GSN: variants seen among roughly 807,000 people sequenced by gnomAD.
GSN encodes the protein actin-depolymerizing factor.
A neutral mutation model predicts 85.7 loss-of-function variants in GSN; 56 were observed. That is an observed-to-expected ratio of 0.65 (90% CI 0.53 to 0.82). The LOEUF is 0.82. GSN is among the 40% of genes least tolerant of loss of function. The pLI is 0.00. For missense variants in GSN, 857 were observed against 979.8 expected (o/e 0.87, Z 1.67); for synonymous variants, 373 against 399.1 (o/e 0.93, Z 0.78).
chr9:121,213,505 T>C (rs1190447202), intron 4 of GSN, among the ~76,000 whole-genome samples: 2 of 152,238 alleles, frequency 1.3e-5, no homozygotes, highest in Admixed American at 1.3e-4. Context: ...CATTGTTTCC[T>C]CAGTCTCTTT....
At chr9:121,328,428 A>T (rs1052088267) in intron 14 of GSN, among the ~76,000 whole-genome samples, 1 of 152,228 alleles carries the variant, frequency 6.6e-6, no homozygotes, top group Non-Finnish European at 1.5e-5. Flanking sequence ...CTGAACTTTT[A>T]GTCGAATTTA....
chr9:121,277,257 T>C (rs531644233), intron 1 of GSN, among the ~76,000 whole-genome samples: 6 of 152,344 alleles, frequency 3.9e-5, no homozygotes, highest in South Asian at 2.1e-4. Context: ...CTTTCTCTCC[T>C]CATTGCTAAC....
chr9:121,268,437 A>C (rs781585626), intron 1 of GSN, among the ~76,000 whole-genome samples: 1 of 152,154 alleles, frequency 6.6e-6, no homozygotes, highest in Non-Finnish European at 1.5e-5. Context: ...ACGCCGGAGC[A>C]GGAGAGGAGA....
At chr9:121,326,885 A>G in intron 13 of GSN, 1 of 737,508 alleles carries the variant, frequency 1.4e-6, no homozygotes, top group South Asian at 1.5e-5. Context: ...TGTCCCTTGC[A>G]CACTTTGCAC....
At position 121,318,961 on chromosome 9, in the gene GSN, GT is replaced by G. The variant is rs2062047857; in HGVS notation, c.1191+84del. 8.6e-7 allele frequency: 1 copy of G among 1,168,828 alleles called. No individual in the cohort carries two copies. The highest frequency in any genetic ancestry group is 1.3e-6 in the Non-Finnish European group (1 of 785,362). 72.4% of individuals were successfully genotyped at this position (1,168,828 alleles called of 1,614,324 possible). A position where few individuals can be genotyped will look rare whatever the true frequency, so the allele number is the denominator to read the frequency against. On this transcript the variant is annotated intron_variant, in intron 10 of 17. Transcript: ENST00000432226. The surrounding 1 kb of genome is among the most constrained non-coding windows in gnomAD (Gnocchi z 4.3). ...CACTGCCTCTTGCTTCCCCAAGGAGGTTTCTCTCTGAGGTTTGCACAACTTT... is the reference window on the plus strand; with the variant it reads ...CACTGCCTCTTGCTTCCCCAAGGAGGTTCTCTCTGAGGTTTGCACAACTTT...
At chr9:121,207,544 T>C (rs1454655448), upstream of GSN, among the ~76,000 whole-genome samples, 1 of 152,228 alleles carries the variant, frequency 6.6e-6, no homozygotes, top group Non-Finnish European at 1.5e-5. Flanking sequence ...CAAAGGGCAG[T>C]CAGTGCCTAT....
At chr9:121,244,936 C>T (rs1028136611) in intron 5 of GSN, among the ~76,000 whole-genome samples, 3 of 151,788 alleles carry the variant, frequency 2.0e-5, no homozygotes, top group Admixed American at 1.3e-4. Context: ...GGAAGCTAGG[C>T]TTCTAAAAAT....
chr9:121,287,058 A>ACTCCAAGTCTTGGAGC (rs2058186363), intron 2 of GSN, among the ~76,000 whole-genome samples: 1 of 151,708 alleles, frequency 6.6e-6, no homozygotes, highest in Admixed American at 6.6e-5. Flanking sequence ...AGTGGCTGAG[A>ACTCCAAGTCTTGGAGC]CTCCAAGTCT....
At chr9:121,257,669 G>C (rs1037993568) in intron 6 of GSN, among the ~76,000 whole-genome samples, 1 of 152,154 alleles carries the variant, frequency 6.6e-6, no homozygotes, top group Non-Finnish European at 1.5e-5. Flanking sequence ...TCAGGAGTTC[G>C]AGACCAGCCT....
At chr9:121,251,886 G>A (rs1442955452) in intron 6 of GSN, among the ~76,000 whole-genome samples, 1 of 152,066 alleles carries the variant, frequency 6.6e-6, no homozygotes, top group African/African-American at 2.4e-5. Flanking sequence ...ACTTGAACCC[G>A]GGAGGCAGAG....
At chr9:121,323,055 G>A (rs145517803) in intron 11 of GSN, among the ~76,000 whole-genome samples, 1,656 of 152,048 alleles carry the variant, frequency 0.011, 14 homozygotes, top group Non-Finnish European at 0.015. Flanking sequence ...GGCTGGTCTC[G>A]AACTCCTCTA....
chr9:121,331,568 G>A (rs1197022885), intron 17 of GSN, 120 bp downstream of exon 17: 8 of 679,102 alleles, frequency 1.2e-5, no homozygotes, highest in Admixed American at 4.7e-5. Context: ...ACAAGATAGG[G>A]TGGGGACTTC....
intron 4 of GSN, among the ~76,000 whole-genome samples, chr9:121,229,032 C>A (rs1436535109): frequency 6.6e-6 from 1 of 152,130 alleles, no homozygotes; most frequent in South Asian, 2.1e-4. Flanking sequence ...ACATAAGACA[C>A]AAAAGTAGTG....
intron 1 of GSN, among the ~76,000 whole-genome samples, chr9:121,273,892 A>AC (rs899177661): frequency 1.2e-4 from 19 of 152,304 alleles, no homozygotes; most frequent in Admixed American, 1.0e-3. Flanking sequence ...GCCCAAGATC[A>AC]CCCCCAAAGA....
At chr9:121,286,649 T>C in intron 2 of GSN, 1 of 1,534,064 alleles carries the variant, frequency 6.5e-7, no homozygotes, top group Non-Finnish European at 8.7e-7. Context: ...TTGTGTGCCC[T>C]CTGGGCCGGG....
intron 11 of GSN, among the ~76,000 whole-genome samples, chr9:121,323,371 G>GTTTGT (rs766970397): frequency 8.5e-6 from 1 of 117,750 alleles, no homozygotes; most frequent in Non-Finnish European, 1.7e-5. Context: ...TCCCATTACC[G>GTTTGT]TTTTTTTTTT....
chr9:121,321,998 C>T (rs1031117743), intron 11 of GSN, among the ~76,000 whole-genome samples: 1 of 152,132 alleles, frequency 6.6e-6, no homozygotes, highest in Non-Finnish European at 1.5e-5. Flanking sequence ...CTGCCTCAGC[C>T]TCCCAAAGTG....
At position 121,329,664 on chromosome 9, in the gene GSN, T is replaced by G. The variant is rs1007641807; in HGVS notation, c.1965+349T>G. 6.6e-6 allele frequency among the ~76,000 whole-genome samples: 1 copy of G among 152,244 alleles called. No homozygotes were observed. Among genetic ancestry groups the G allele is most frequent in the Admixed American group, 6.5e-5 (1 of 15,282 alleles). Reference sequence around the variant, plus strand: ...AAGTTGAACTTAGCAGCATCTTGTTTGCAGGCATAAACTGTCCAGTGTCAC... The same window carrying G: ...AAGTTGAACTTAGCAGCATCTTGTTGGCAGGCATAAACTGTCCAGTGTCAC... On this transcript the variant is annotated intron_variant, in intron 16 of 17. Transcript: ENST00000432226. This position sits in a 1 kb window ranked among gnomAD's most constrained non-coding sequence, Gnocchi z 4.6.
intron 11 of GSN, among the ~76,000 whole-genome samples, chr9:121,322,362 A>G (rs1464943966): frequency 1.3e-5 from 2 of 152,192 alleles, no homozygotes; most frequent in Non-Finnish European, 2.9e-5. Context: ...GTACATAGAG[A>G]CAGAGAGCTT....
Sources: allele counts gnomAD v4.1 joint callset (sites outside exome capture counted in the v4.1 genomes callset), GRCh38; gene constraint gnomAD v4.1.1; non-coding constraint Gnocchi (gnomAD v3.1); transcripts MANE v1.5; gene names NCBI Gene and HGNC (gene_info 2026-07-23, HGNC 2026-07-21).